Variants in MSH4 observed in about 807,000 individuals in gnomAD.
MSH4 encodes the protein mutS protein homolog 4.
MSH4 carries 106 observed loss-of-function variants against 113.7 expected under a neutral mutation model. The ratio of observed to expected loss-of-function variants is 0.93; its 90% CI spans 0.80 to 1.10. The LOEUF (loss-of-function observed/expected upper bound fraction) is 1.10, where lower values mean the gene tolerates loss of function less well. Among genes scored for constraint, MSH4 ranks in the 50% least tolerant of loss-of-function variants. MSH4 has a pLI of 0.00. For missense variants in MSH4, 1,061 were observed against 1,093.7 expected, an observed-to-expected ratio of 0.97 and a Z score of 0.42; for synonymous variants, 368 against 380.2, an observed-to-expected ratio of 0.97 and a Z score of 0.37.
intron 3 of MSH4, among the ~76,000 whole-genome samples, chr1:75,808,953 T>C (rs1056924942): frequency 6.6e-6 from 1 of 152,194 alleles, no homozygotes; most frequent in Non-Finnish European, 1.5e-5. Flanking sequence ...TTAAAAGGTC[T>C]TGCTCTTTTG....
chr1:75,823,175 T>C (rs189939740), intron 7 of MSH4, among the ~76,000 whole-genome samples: 20 of 152,344 alleles, frequency 1.3e-4, no homozygotes, highest in Admixed American at 1.0e-3. Context: ...TATTGTCATA[T>C]GGTTTTCTCC....
intron 6 of MSH4, among the ~76,000 whole-genome samples, 166 bp from the exon 7 acceptor site, chr1:75,822,243 C>T (rs950456869): frequency 4.8e-5 from 7 of 146,730 alleles, no homozygotes; most frequent in African/African-American, 1.0e-4. Flanking sequence ...GAGCCGAGAT[C>T]GCGCCACTGT....
Position 75,907,696 on chromosome 1 carries a change from A to C in MSH4, c.2620-5000A>C, listed in dbSNP as rs1382230771. Among the ~76,000 whole-genome samples, 108 of 89,226 alleles carry C rather than the reference A, an allele frequency of 1.2e-3. 1 individual carries two copies. Among genetic ancestry groups the C allele is most frequent in the African/African-American group, 4.3e-3 (76 of 17,812 alleles). 58.5% of individuals were successfully genotyped at this position (89,226 alleles called of 152,430 possible). ...TCTCTCTCTCTCTCTATACATATAT[A>C]TATATATATATATATATATATATGT... On this transcript the variant is annotated intron_variant, in intron 19 of 19. Transcript: ENST00000263187.
chr1:75,869,859 A>T (rs1378903983), intron 9 of MSH4, among the ~76,000 whole-genome samples: 3 of 152,160 alleles, frequency 2.0e-5, no homozygotes, highest in Non-Finnish European at 2.9e-5. Context: ...CCCCACACAG[A>T]GTCCCCACTT....
rs5745444 is a variant in MSH4, at chr1:75,878,335, A to G, written c.1540+17A>G. The G allele has an allele frequency of 6.7e-4, 1,042 of 1,559,754 alleles. 8 individuals carry two copies. The African/African-American group carries it at 0.013, about 19-fold the overall frequency. On this transcript the variant is annotated intron_variant, in intron 11 of 19. Coordinates refer to ENST00000263187, the MANE Select transcript of MSH4 (RefSeq NM_002440.4). ...ACATAGCAGGTAATTTCTTTATTTG[A>G]TAATGTTTTTTGTAGGGATAAAACA...
At chr1:75,883,902 GC>G in intron 15 of MSH4, 81 bp downstream of exon 15, 1 of 1,187,256 alleles carries the variant, frequency 8.4e-7, no homozygotes, top group Non-Finnish European at 1.2e-6. Flanking sequence ...AGGGCCATGT[GC>G]CTAATTAACC....
At chr1:75,823,076 G>C (rs991655528) in intron 7 of MSH4, among the ~76,000 whole-genome samples, 1 of 152,182 alleles carries the variant, frequency 6.6e-6, no homozygotes, top group African/African-American at 2.4e-5. Flanking sequence ...CTATAGGGGA[G>C]AATCCTTTGC....
Position 75,883,611 on chromosome 1 carries a change from T to G in MSH4, c.1907-10T>G. The G allele has an allele frequency of 6.2e-7, 1 of 1,602,188 alleles. No homozygotes were observed. Among genetic ancestry groups the G allele is most frequent in the Non-Finnish European group, 8.5e-7 (1 of 1,174,374 alleles). The stretch of plus-strand genomic sequence containing the variant: ...TAATCTTTAAAAACCATTCTATTTT[T>G]TTTCTTAAGTTCGACCAGAATTTAC... On this transcript the variant is annotated splice_polypyrimidine_tract_variant and intron_variant, in intron 14 of 19. Coordinates refer to ENST00000263187, the MANE Select transcript of MSH4 (RefSeq NM_002440.4).
At chr1:75,848,153 A>G in intron 7 of MSH4, 56 bp from the exon 8 acceptor site, 1 of 1,102,370 alleles carries the variant, frequency 9.1e-7, no homozygotes, top group Non-Finnish European at 1.4e-6. Context: ...TTACATAGTC[A>G]ATATTTTGAA....
chr1:75,875,068 C>G (rs1651789386), intron 9 of MSH4, among the ~76,000 whole-genome samples: 2 of 152,040 alleles, frequency 1.3e-5, no homozygotes, highest in Admixed American at 1.3e-4. Flanking sequence ...AATTGTTTGT[C>G]TTTTTGATAG....
chr1:75,910,143 C>G (rs1380540758), intron 19 of MSH4, among the ~76,000 whole-genome samples: 1 of 152,070 alleles, frequency 6.6e-6, no homozygotes, highest in Admixed American at 6.6e-5. Context: ...GCAAACTTAT[C>G]AAAAGTAACC....
intron 7 of MSH4, among the ~76,000 whole-genome samples, chr1:75,842,871 G>A (rs1316651396): frequency 1.3e-5 from 2 of 152,128 alleles, no homozygotes; most frequent in Admixed American, 1.3e-4. Flanking sequence ...CTCTTGTGGA[G>A]GGCCTGACAT....
chr1:75,816,180 A>G (rs1650287793), intron 5 of MSH4, among the ~76,000 whole-genome samples, 193 bp from the exon 6 acceptor site: 1 of 152,138 alleles, frequency 6.6e-6, no homozygotes, highest in Admixed American at 6.5e-5. Flanking sequence ...TTAATACTTG[A>G]AATTATTTAT....
chr1:75,848,823 G>T (rs1651130381), intron 8 of MSH4, among the ~76,000 whole-genome samples: 1 of 152,092 alleles, frequency 6.6e-6, no homozygotes, highest in Admixed American at 6.6e-5. Flanking sequence ...ATTTTCAAAA[G>T]ACTTAGACTA....
chr1:75,877,191 A>G (rs6661140), intron 10 of MSH4, among the ~76,000 whole-genome samples, 191 bp downstream of exon 10: 6 of 152,114 alleles, frequency 3.9e-5, no homozygotes, highest in African/African-American at 1.2e-4. Context: ...GTAACAACAC[A>G]TTGATTATTT....
Position 75,803,862 on chromosome 1 carries a change from A to G in MSH4, c.376A>G (p.Asn126Asp). Residue 126 changes from asparagine to aspartate, a missense_variant, in exon 2 of 20, where the codon AAT (asparagine) becomes GAT (aspartate). Transcript: ENST00000263187. Reference sequence around the variant, plus strand: ...ACTTAAAACTCCATTGTCTACTGGAAATCCTCAGAGATCAGGTTATAAGAG... The same window carrying G: ...ACTTAAAACTCCATTGTCTACTGGAGATCCTCAGAGATCAGGTTATAAGAG... Reference protein sequence around the residue: ...QTLKTPLSTGNPQRSGYKSWT... With the variant: ...QTLKTPLSTGDPQRSGYKSWT... 6.3e-7 allele frequency: 1 copy of G among 1,596,998 alleles called. No homozygotes were observed. Among genetic ancestry groups the G allele is most frequent in the Non-Finnish European group, 8.5e-7 (1 of 1,172,574 alleles).
chr1:75,912,921 A>C lies in MSH4; in HGVS notation c.*34A>C. ...CTAATGTAATAATATATCTTAATTCAAGGAACCTAGAATTTATTTTTCTCC... is the reference window on the plus strand; with the variant it reads ...CTAATGTAATAATATATCTTAATTCCAGGAACCTAGAATTTATTTTTCTCC... On this transcript the variant is annotated 3_prime_UTR_variant, in exon 20 of 20. Transcript: ENST00000263187. 7.8e-7 allele frequency: 1 copy of C among 1,287,642 alleles called. No homozygotes were observed. Among genetic ancestry groups the C allele is most frequent in the Non-Finnish European group, 1.0e-6 (1 of 971,814 alleles). The allele number at this position is 1,287,642 out of a possible 1,614,324, so 79.8% of individuals were successfully genotyped here.
chr1:75,805,576 G>A (rs1172834283), intron 2 of MSH4, among the ~76,000 whole-genome samples: 2 of 150,038 alleles, frequency 1.3e-5, no homozygotes, highest in East Asian at 2.0e-4. Context: ...TAGTAGAGAT[G>A]GGGTTTCGCC....
At chr1:75,891,325 TCA>T (rs1413272989) in intron 17 of MSH4, among the ~76,000 whole-genome samples, 4 of 152,180 alleles carry the variant, frequency 2.6e-5, no homozygotes, top group African/African-American at 9.7e-5. Flanking sequence ...AAATGGTCAC[TCA>T]CAATATATAC....
Sources: allele counts gnomAD v4.1 joint callset (sites outside exome capture counted in the v4.1 genomes callset), GRCh38; gene constraint gnomAD v4.1.1; transcripts MANE v1.5; gene names NCBI Gene and HGNC (gene_info 2026-07-23, HGNC 2026-07-21).